Variants in NEMP2 observed in about 807,000 individuals in gnomAD.
The protein encoded by NEMP2 is nuclear envelope integral membrane protein 2.
A neutral mutation model predicts 54.2 loss-of-function variants in NEMP2; 53 were observed. The observed-to-expected ratio is 0.98, with a 90% CI of 0.78 to 1.23. The LOEUF (loss-of-function observed/expected upper bound fraction) is 1.23, where lower values mean the gene tolerates loss of function less well. Ranked by LOEUF, NEMP2 falls within the 50% of genes most tolerant of loss-of-function variation. NEMP2 has a pLI of 0.00. For synonymous variants in NEMP2, 197 were observed against 190.3 expected (o/e 1.04, Z -0.29); for missense variants, 455 against 511.3 (o/e 0.89, Z 1.06).
At chr2:190,473,348 C>T in the NEMP2 span, among the ~76,000 whole-genome samples, 67 of 152,202 alleles carry the variant, frequency 4.4e-4, no homozygotes, top group African/African-American at 1.4e-3. Context: ...ACCCATCTCA[C>T]GTGCAGAAAC....
At chr2:190,465,035 C>T in the NEMP2 span, 1 of 506,050 alleles carries the variant, frequency 2.0e-6, no homozygotes, top group Non-Finnish European at 2.6e-6. The surrounding 1 kb of genome is among the most constrained non-coding windows in gnomAD (Gnocchi z 4.6). Flanking sequence ...ATATCTTGAA[C>T]ACTCTTGAAA....
chr2:190,460,859 G>T, the NEMP2 span, among the ~76,000 whole-genome samples: 1 of 152,184 alleles, frequency 6.6e-6, no homozygotes, highest in African/African-American at 2.4e-5. Flanking sequence ...GACAAGGAAA[G>T]ATGTTTTATA....
At chr2:190,550,203 A>G in the NEMP2 span, among the ~76,000 whole-genome samples, 1 of 152,162 alleles carries the variant, frequency 6.6e-6, no homozygotes, top group Non-Finnish European at 1.5e-5. The surrounding 1 kb of genome is among the most constrained non-coding windows in gnomAD (Gnocchi z 4.7). Flanking sequence ...ACAGATATTT[A>G]TTTTTGACAA....
At chr2:190,559,424 G>A in the NEMP2 span, among the ~76,000 whole-genome samples, 34,186 of 152,062 alleles carry the variant, frequency 0.22, 4,927 homozygotes, top group South Asian at 0.33. The surrounding 1 kb of genome is among the most constrained non-coding windows in gnomAD (Gnocchi z 4.0). Context: ...TGGAAGCCAA[G>A]GGAATAGAGA....
At chr2:190,599,376 T>C in the NEMP2 span, among the ~76,000 whole-genome samples, 1 of 152,192 alleles carries the variant, frequency 6.6e-6, no homozygotes, top group Non-Finnish European at 1.5e-5. Context: ...TTCATCTGGA[T>C]AGATGGCAGG....
the NEMP2 span, among the ~76,000 whole-genome samples, chr2:190,493,956 T>C: frequency 6.6e-6 from 1 of 150,572 alleles, no homozygotes; most frequent in East Asian, 2.0e-4. Flanking sequence ...CTCAAGGAAC[T>C]AGAGAAACAA....
rs760652247 is a variant in NEMP2 at position 190,519,099 on chromosome 2, AAGAT to A, written c.294_297del (p.Ser99LeufsTer5). ...AAGTTATGAATCACACATTTGATAA[AAGAT>A]AGAATGTTTTCTGGATATTGGCAAT... On this transcript the variant is annotated frameshift_variant, in exon 3 of 9. Transcript: ENST00000409150. LOFTEE classifies it high-confidence loss of function. This position sits in a 1 kb window ranked among gnomAD's most constrained non-coding sequence, Gnocchi z 5.4. 62 of 1,551,074 alleles carry A rather than the reference AAGAT, an allele frequency of 4.0e-5. No individual in the cohort carries two copies. Among genetic ancestry groups the A allele is most frequent in the African/African-American group, 3.3e-4 (24 of 73,032 alleles).
chr2:190,642,232 A>T, the NEMP2 span, among the ~76,000 whole-genome samples: 36,019 of 152,056 alleles, frequency 0.24, 4,368 homozygotes, highest in Middle Eastern at 0.25. This position sits in a 1 kb window ranked among gnomAD's most constrained non-coding sequence, Gnocchi z 4.1. Context: ...TTGTTGTTTT[A>T]TTCTTACAAC....
At chr2:190,558,970 C>T in the NEMP2 span, among the ~76,000 whole-genome samples, 1 of 152,148 alleles carries the variant, frequency 6.6e-6, no homozygotes, top group Non-Finnish European at 1.5e-5. The surrounding 1 kb of genome is among the most constrained non-coding windows in gnomAD (Gnocchi z 4.4). Context: ...CCATTTTAAT[C>T]TATTTCATCT....
In NEMP2 at chr2:190,519,284, G is replaced by T; in HGVS notation, c.214-101C>A. 2.5e-6 allele frequency: 2 copies of T among 809,102 alleles called. No individual in the cohort carries two copies. Among genetic ancestry groups the T allele is most frequent in the Non-Finnish European group, 3.9e-6 (2 of 513,484 alleles). The allele number at this position is 809,102 out of a possible 1,614,324, so 50.1% of individuals were successfully genotyped here. A position where few individuals can be genotyped will look rare whatever the true frequency, so the allele number is the denominator to read the frequency against. ...TTGCCCAGAATGGAGTGCAGTGGCA[G>T]GATCTCTGCTCACTGCAACCTGTGC... On this transcript the variant is annotated intron_variant, in intron 2 of 8. Coordinates refer to ENST00000409150, the MANE Select transcript of NEMP2 (RefSeq NM_001142645.2). The surrounding 1 kb of genome is among the most constrained non-coding windows in gnomAD (Gnocchi z 5.4).
chr2:190,454,982 ATGTATATGTATATGTATAATGTAT>A, the NEMP2 span, among the ~76,000 whole-genome samples: 1 of 82,306 alleles, frequency 1.2e-5, no homozygotes, highest in African/African-American at 3.4e-5. This position sits in a 1 kb window ranked among gnomAD's most constrained non-coding sequence, Gnocchi z 4.6. Flanking sequence ...GTATATGTAT[ATGTATATGTATATGTATAATGTAT>A]ATGTATATGT....
the NEMP2 span, among the ~76,000 whole-genome samples, chr2:190,589,741 T>C: frequency 6.6e-6 from 1 of 152,298 alleles, no homozygotes; most frequent in South Asian, 2.1e-4. This position sits in a 1 kb window ranked among gnomAD's most constrained non-coding sequence, Gnocchi z 4.3. Context: ...ACTCAAGCTG[T>C]TCTCATGGCT....
chr2:190,439,100 C>A, the NEMP2 span, among the ~76,000 whole-genome samples: 1 of 151,938 alleles, frequency 6.6e-6, no homozygotes, highest in African/African-American at 2.4e-5. This position sits in a 1 kb window ranked among gnomAD's most constrained non-coding sequence, Gnocchi z 5.8. Context: ...TAATTTTGTC[C>A]ACACCATGTT....
chr2:190,578,821 G>A, the NEMP2 span, among the ~76,000 whole-genome samples: 1 of 152,000 alleles, frequency 6.6e-6, no homozygotes, highest in Non-Finnish European at 1.5e-5. This position sits in a 1 kb window ranked among gnomAD's most constrained non-coding sequence, Gnocchi z 4.4. Flanking sequence ...GGAGTGCCAG[G>A]AACACCCATT....
At chr2:190,497,637 C>T in the NEMP2 span, 1 of 1,614,146 alleles carries the variant, frequency 6.2e-7, no homozygotes, top group South Asian at 1.1e-5. This position sits in a 1 kb window ranked among gnomAD's most constrained non-coding sequence, Gnocchi z 5.2. Flanking sequence ...CCCTGGGTGA[C>T]CTTTGTCTAT....
chr2:190,583,122 G>A, the NEMP2 span, among the ~76,000 whole-genome samples: 1 of 152,134 alleles, frequency 6.6e-6, no homozygotes, highest in Non-Finnish European at 1.5e-5. Context: ...TCTATTAAAT[G>A]TCATACTTAC....
At chr2:190,440,633 A>G in the NEMP2 span, among the ~76,000 whole-genome samples, 1 of 152,372 alleles carries the variant, frequency 6.6e-6, no homozygotes, top group East Asian at 1.9e-4. Flanking sequence ...ATGTTAGGCC[A>G]TCCCCTATGT....
chr2:190,613,487 T>A, the NEMP2 span, among the ~76,000 whole-genome samples: 1 of 152,196 alleles, frequency 6.6e-6, no homozygotes, highest in Non-Finnish European at 1.5e-5. Context: ...TTTTGACACC[T>A]TATAGTATTT....
chr2:190,485,352 A>G, the NEMP2 span, among the ~76,000 whole-genome samples: 5 of 152,310 alleles, frequency 3.3e-5, no homozygotes, highest in Admixed American at 1.3e-4. This position sits in a 1 kb window ranked among gnomAD's most constrained non-coding sequence, Gnocchi z 5.1. Context: ...ACATACACAT[A>G]ACAAGAGGTT....
Sources: allele counts gnomAD v4.1 joint callset (sites outside exome capture counted in the v4.1 genomes callset), GRCh38; gene constraint gnomAD v4.1.1; non-coding constraint Gnocchi (gnomAD v3.1); transcripts MANE v1.5; gene names NCBI Gene and HGNC (gene_info 2026-07-23, HGNC 2026-07-21).